ARHGAP40: variants seen among roughly 807,000 people sequenced by gnomAD.
ARHGAP40 encodes Rho GTPase activating protein 40, also known as rho GTPase-activating protein 40.
In ARHGAP40, 43 loss-of-function variants were observed where a neutral mutation model predicts 73.5. The ratio of observed to expected loss-of-function variants is 0.58; its 90% confidence interval spans 0.46 to 0.75. The LOEUF is 0.75. Ranked by LOEUF, ARHGAP40 falls within the 30% of genes least tolerant of loss-of-function variation. The pLI, the probability that ARHGAP40 is intolerant of heterozygous loss-of-function variation, is 0.00. For synonymous variants in ARHGAP40, 300 were observed against 352.8 expected (o/e 0.85, Z 1.68); for missense variants, 734 against 861.8 (o/e 0.85, Z 1.86).
chr20:38,603,150 G>A (rs2088745960), intron 1 of ARHGAP40, among the ~76,000 whole-genome samples: 1 of 152,194 alleles, frequency 6.6e-6, no homozygotes, highest in Non-Finnish European at 1.5e-5. Context: ...AAGACTAGAC[G>A]TGGTCTGTAC....
intron 10 of ARHGAP40, 93 bp from the exon 11 acceptor site, chr20:38,643,611 C>T: frequency 9.3e-7 from 1 of 1,074,090 alleles, no homozygotes; most frequent in Non-Finnish European, 1.3e-6. Flanking sequence ...TCCTTCCTAG[C>T]ACCCCCTTAT....
intron 7 of ARHGAP40, 129 bp from the exon 8 acceptor site, chr20:38,638,629 CTAA>C: frequency 1.8e-6 from 1 of 542,044 alleles, no homozygotes; most frequent in South Asian, 1.9e-5. Flanking sequence ...GTCACAAAAA[CTAA>C]TATTATTCCG....
At chr20:38,640,526 C>T (rs1403395833) in intron 9 of ARHGAP40, among the ~76,000 whole-genome samples, 1 of 152,200 alleles carries the variant, frequency 6.6e-6, no homozygotes, top group Non-Finnish European at 1.5e-5. Flanking sequence ...TTGGCCTCAA[C>T]CTCATTGCAA....
intron 1 of ARHGAP40, among the ~76,000 whole-genome samples, chr20:38,604,323 T>G (rs1257235937): frequency 6.6e-6 from 1 of 151,964 alleles, no homozygotes; most frequent in Non-Finnish European, 1.5e-5. Flanking sequence ...TAAGAGAGTT[T>G]AAAATTTGAA....
intron 1 of ARHGAP40, among the ~76,000 whole-genome samples, chr20:38,608,425 G>A: frequency 6.6e-6 from 1 of 152,146 alleles, no homozygotes; most frequent in East Asian, 1.9e-4. Flanking sequence ...CCCATCTTAA[G>A]AGGACTGTTG....
intron 1 of ARHGAP40, among the ~76,000 whole-genome samples, chr20:38,617,452 C>A (rs1389020275): frequency 4.6e-5 from 7 of 152,192 alleles, no homozygotes; most frequent in Non-Finnish European, 8.8e-5. Context: ...CCCTGTCTTC[C>A]CATTTTATGG....
intron 1 of ARHGAP40, among the ~76,000 whole-genome samples, chr20:38,618,886 G>A (rs1006886986): frequency 1.3e-5 from 2 of 152,130 alleles, no homozygotes; most frequent in African/African-American, 4.8e-5. Context: ...CAGATTCAAG[G>A]GGAGGAGACA....
intron 1 of ARHGAP40, among the ~76,000 whole-genome samples, chr20:38,603,831 A>G (rs902532850): frequency 1.3e-5 from 2 of 152,130 alleles, no homozygotes; most frequent in African/African-American, 4.8e-5. Flanking sequence ...CCGTCTTCAA[A>G]GGCAGCTCTG....
rs1241801484 is a variant in ARHGAP40 at position 38,629,790 on chromosome 20, A to G, written c.783+140A>G. On this transcript the variant is annotated intron_variant, in intron 5 of 14. Transcript: ENST00000373345. ...ATTCATTCATTTAATTCGTACCACA[A>G]ATATTTACTGAGTGACCGCTGGGTA... The G allele has an allele frequency of 4.1e-6, 4 of 985,314 alleles. No individual in the cohort carries two copies. The East Asian group carries it at 1.9e-4, about 46-fold the overall frequency. The allele number at this position is 985,314 out of a possible 1,614,324, so 61.0% of individuals were successfully genotyped here.
At chr20:38,616,717 C>T in intron 1 of ARHGAP40, among the ~76,000 whole-genome samples, 1 of 152,154 alleles carries the variant, frequency 6.6e-6, no homozygotes, top group East Asian at 1.9e-4. Flanking sequence ...ATGAATTAAT[C>T]CATGCTAAGC....
At chr20:38,632,266 A>C (rs1024402450) in intron 5 of ARHGAP40, among the ~76,000 whole-genome samples, 4 of 134,506 alleles carry the variant, frequency 3.0e-5, no homozygotes, top group African/African-American at 5.5e-5. Context: ...ACCCGGCCTA[A>C]ATTTTTTTTT....
Position 38,641,721 on chromosome 20 carries a change from C to T in ARHGAP40, c.1280-5C>T, listed in dbSNP as rs1197560976. ...ATGGAGACTGAGGTCCCTCCCTTCC[C>T]GCAGACATCCCCAACCTGAAGCAGC... On this transcript the variant is annotated splice_polypyrimidine_tract_variant and splice_region_variant and intron_variant, in intron 9 of 14. Transcript: ENST00000373345. The T allele has an allele frequency of 4.6e-6, 6 of 1,295,680 alleles. No individual in the cohort carries two copies. Among genetic ancestry groups the T allele is most frequent in the Admixed American group, 4.8e-5 (2 of 41,850 alleles). 80.3% of individuals were successfully genotyped at this position (1,295,680 alleles called of 1,614,324 possible).
At chr20:38,630,684 A>T (rs541287194) in intron 5 of ARHGAP40, among the ~76,000 whole-genome samples, 1 of 152,190 alleles carries the variant, frequency 6.6e-6, no homozygotes, top group African/African-American at 2.4e-5. Context: ...ATACCAACAA[A>T]TGAGTACAGA....
intron 10 of ARHGAP40, 110 bp downstream of exon 10, chr20:38,641,918 G>A (rs1332089360): frequency 3.4e-6 from 3 of 885,444 alleles, no homozygotes. Context: ...TCTGCCAGGT[G>A]CTAGGGTTCA....
Position 38,629,579 on chromosome 20 carries a change from G to T in ARHGAP40, c.712G>T (p.Ala238Ser), listed in dbSNP as rs545264212. ...CATGGACTCTGCCTACTCAGAACAA[G>T]CTGCGGTGCTCCTGCAGAGGAGCAG... The change falls in exon 5 of 15, where the codon GCT becomes TCT. Residue 238 changes from alanine (A) to serine (S), a missense_variant. Physicochemically the swap from Ala to Ser is moderately conservative, Grantham distance 99. Transcript: ENST00000373345. 3.8e-6 allele frequency: 5 copies of T among 1,305,438 alleles called. No homozygotes were observed. In the South Asian group the frequency reaches 6.2e-5, roughly 16 times the overall value. 80.9% of individuals were successfully genotyped at this position (1,305,438 alleles called of 1,614,324 possible).
chr20:38,637,065 G>C (rs1192834517), intron 6 of ARHGAP40, among the ~76,000 whole-genome samples: 1 of 152,160 alleles, frequency 6.6e-6, no homozygotes, highest in Non-Finnish European at 1.5e-5. Context: ...ATCCTGCAGA[G>C]CCAGAGCTCT....
exon 5 of ARHGAP40, chr20:38,629,525 G>C: frequency 7.7e-7 from 1 of 1,305,446 alleles, no homozygotes; most frequent in Non-Finnish European, 1.0e-6. Flanking sequence ...GGGGCTGCAG[G>C]AGCAGGCTGG....
intron 11 of ARHGAP40, among the ~76,000 whole-genome samples, 184 bp from the exon 12 acceptor site, chr20:38,645,863 G>T (rs1027614718): frequency 6.6e-6 from 1 of 152,182 alleles, no homozygotes; most frequent in Non-Finnish European, 1.5e-5. Flanking sequence ...GTCCACTTTA[G>T]GGGCTGAATG....
Position 38,626,982 on chromosome 20 carries a change from C to G in ARHGAP40, c.338-13C>G. 2.3e-6 allele frequency: 3 copies of G among 1,302,816 alleles called. No homozygotes were observed. The highest frequency in any genetic ancestry group is 3.0e-6 in the Non-Finnish European group (3 of 988,254). The allele number at this position is 1,302,816 out of a possible 1,614,324, so 80.7% of individuals were successfully genotyped here. On this transcript the variant is annotated splice_polypyrimidine_tract_variant and intron_variant, in intron 2 of 14. Coordinates refer to ENST00000373345, the Ensembl canonical transcript of ARHGAP40. ...GCTGTGTGTGTTCATCTGGGTTCTA[C>G]TTCTGTTGGCAGAAGGGGAAGCTGA... is the stretch of plus-strand genomic sequence containing the variant.
Sources: allele counts gnomAD v4.1 joint callset (sites outside exome capture counted in the v4.1 genomes callset), GRCh38; gene constraint gnomAD v4.1.1; transcripts MANE v1.5; gene names NCBI Gene and HGNC (gene_info 2026-07-23, HGNC 2026-07-21).